Variants in AMDHD2 observed in about 807,000 individuals in gnomAD.
AMDHD2 encodes the protein amidohydrolase domain containing 2, also known as N-acetylglucosamine-6-phosphate deacetylase.
Under a neutral mutation model 41.8 loss-of-function variants are expected in AMDHD2, and 24 were observed. The observed-to-expected ratio is 0.57, with a 90% CI of 0.42 to 0.81. The LOEUF (loss-of-function observed/expected upper bound fraction) is 0.81. AMDHD2 is among the 30% of genes least tolerant of loss of function. The pLI, the probability that AMDHD2 is intolerant of heterozygous loss-of-function variation, is 0.00. For synonymous variants in AMDHD2, 332 were observed against 255.5 expected, an observed-to-expected ratio of 1.30 and a Z score of -2.85; for missense variants, 540 against 588.5, an observed-to-expected ratio of 0.92 and a Z score of 0.85.
intron 10 of AMDHD2, 72 bp downstream of exon 10, chr16:2,529,167 G>A (rs1308417724): frequency 2.8e-6 from 4 of 1,410,050 alleles, no homozygotes; most frequent in African/African-American, 1.4e-5. Context: ...GGGGCGGCCT[G>A]GACAGGGCCA....
chr16:2,527,155 T>C lies in AMDHD2; in HGVS notation c.361-406T>C, dbSNP rs915830454. ...CGTTCCCTGACACACTCGGTCTTCC[T>C]GATGGCGTCCAGCTCCGGCCATGGT... On this transcript the variant is annotated intron_variant, in intron 3 of 10. Coordinates refer to ENST00000293971, the MANE Select transcript of AMDHD2 (RefSeq NM_001330449.2). This position sits in a 1 kb window ranked among gnomAD's most constrained non-coding sequence, Gnocchi z 6.1. 8.3e-6 allele frequency: 2 copies of C among 241,106 alleles called. No homozygotes were observed. Among genetic ancestry groups the C allele is most frequent in the Non-Finnish European group, 1.6e-5 (2 of 125,014 alleles). 14.9% of individuals were successfully genotyped at this position (241,106 alleles called of 1,614,324 possible). A position where few individuals can be genotyped will look rare whatever the true frequency, so the allele number is the denominator to read the frequency against.
In AMDHD2 at chr16:2,528,629, C is replaced by T. The variant is rs374615403; in HGVS notation, c.971-21C>T. ...CAGGTGGCCCACGACCCCCCCAGAGCCTGCCCTCTCTGCTCTCAAGGCACC... is the reference window on the plus strand; with the variant it reads ...CAGGTGGCCCACGACCCCCCCAGAGTCTGCCCTCTCTGCTCTCAAGGCACC... On this transcript the variant is annotated intron_variant, in intron 8 of 10. Transcript: ENST00000293971. 5.6e-6 allele frequency: 9 copies of T among 1,612,918 alleles called. No homozygotes were observed. In the Admixed American group the frequency reaches 1.0e-4, roughly 18 times the overall value.
In AMDHD2 at chr16:2,520,460, TGCGCGGCGAGCAGG is replaced by T. The variant is rs2065916544; in HGVS notation, c.11_24del (p.Glu4_?8). ...CGCTCGCTCCCGACACGGCTCACGA[TGCGCGGCGAGCAGG>T]GCGCGGCGGGGGCCCGCGTGCTCCA... On this transcript the variant is annotated frameshift_variant and start_lost, in exon 1 of 11. Coordinates refer to ENST00000293971, the MANE Select transcript of AMDHD2 (RefSeq NM_001330449.2). LOFTEE classifies it high-confidence loss of function. 8.1e-6 allele frequency: 10 copies of T among 1,230,870 alleles called. No individual in the cohort carries two copies. The highest frequency in any genetic ancestry group is 4.2e-5 in the Admixed American group (1 of 23,676). 76.2% of individuals were successfully genotyped at this position (1,230,870 alleles called of 1,614,324 possible). A position where few individuals can be genotyped will look rare whatever the true frequency, so the allele number is the denominator to read the frequency against.
intron 3 of AMDHD2, among the ~76,000 whole-genome samples, chr16:2,525,262 T>G (rs372580454): frequency 2.6e-5 from 4 of 152,118 alleles, no homozygotes; most frequent in African/African-American, 9.6e-5. Context: ...TGCTCCATGT[T>G]GGCAAGGCTG....
rs1366227095 is a variant in AMDHD2, at chr16:2,531,351, T to G, written c.*1788T>G. 9 of 516,020 alleles carry G rather than the reference T, an allele frequency of 1.7e-5. No homozygotes were observed. The highest frequency in any genetic ancestry group is 3.2e-5 in the Non-Finnish European group (9 of 282,632). 32.0% of individuals were successfully genotyped at this position (516,020 alleles called of 1,614,324 possible). The stretch of plus-strand genomic sequence containing the variant: ...TGATTTTGAGGTGTGGGGGAAGCAC[T>G]CTTGGTTGGTTTTGGTTTGCTTTTT... On this transcript the variant is annotated 3_prime_UTR_variant, in exon 11 of 11. Transcript: ENST00000293971.
intron 8 of AMDHD2, 35 bp downstream of exon 8, chr16:2,528,594 GC>G: frequency 6.2e-7 from 1 of 1,612,788 alleles, no homozygotes; most frequent in Non-Finnish European, 8.5e-7. Context: ...CCAGGTCCCA[GC>G]CCGCATGCCA....
intron 9 of AMDHD2, 78 bp downstream of exon 9, chr16:2,528,796 C>T: frequency 1.3e-6 from 2 of 1,586,702 alleles, no homozygotes; most frequent in Non-Finnish European, 1.7e-6. Flanking sequence ...GGTGCCCGGA[C>T]TGTAGCCCAA....
rs750978263 is a variant in AMDHD2 at position 2,530,241 on chromosome 16, C to A, written c.*678C>A. 2.8e-5 allele frequency: 44 copies of A among 1,597,410 alleles called. No individual in the cohort carries two copies. The highest frequency in any genetic ancestry group is 3.4e-5 in the Admixed American group (2 of 58,512). Reference sequence around the variant, plus strand: ...TTTTCTCTTCTCAATAACCCTATCTCTTCACACATCCCCAGGCCCAGTGCT... The same window carrying A: ...TTTTCTCTTCTCAATAACCCTATCTATTCACACATCCCCAGGCCCAGTGCT... On this transcript the variant is annotated 3_prime_UTR_variant, in exon 11 of 11. Coordinates refer to ENST00000293971, the MANE Select transcript of AMDHD2 (RefSeq NM_001330449.2).
At chr16:2,529,454 C>A in intron 10 of AMDHD2, 21 bp from the exon 11 acceptor site, 1 of 1,608,048 alleles carries the variant, frequency 6.2e-7, no homozygotes, top group East Asian at 2.2e-5. Flanking sequence ...GCCCCCTACT[C>A]ATTGCCCGGC....
In AMDHD2 at chr16:2,527,496, G is replaced by A. The variant is rs941937384; in HGVS notation, c.361-65G>A. 5.1e-6 allele frequency: 8 copies of A among 1,555,108 alleles called. No individual in the cohort carries two copies. The highest frequency in any genetic ancestry group is 7.0e-6 in the Non-Finnish European group (8 of 1,140,562). On this transcript the variant is annotated intron_variant, in intron 3 of 10. Transcript: ENST00000293971. The surrounding 1 kb of genome is among the most constrained non-coding windows in gnomAD (Gnocchi z 6.1). ...ACTCTGACCTGAGATCTCTGGCCTT[G>A]GCTAGGCTGTGGCCTCTGGGAATGG...
In AMDHD2 at chr16:2,520,448, C is replaced by A. The variant is rs932587384; in HGVS notation, c.-11C>A. ...GGGCTCCGGAGCCGCTCGCTCCCGA[C>A]ACGGCTCACGATGCGCGGCGAGCAG... On this transcript the variant is annotated 5_prime_UTR_variant, in exon 1 of 11. Transcript: ENST00000293971. The A allele has an allele frequency of 1.6e-6, 2 of 1,232,590 alleles. No individual in the cohort carries two copies. The highest frequency in any genetic ancestry group is 3.1e-5 in the African/African-American group (2 of 63,860). The allele number at this position is 1,232,590 out of a possible 1,614,324, so 76.4% of individuals were successfully genotyped here.
chr16:2,528,806 A>G (rs1437721327), intron 9 of AMDHD2, 88 bp downstream of exon 9: 4 of 1,580,364 alleles, frequency 2.5e-6, no homozygotes, highest in East Asian at 4.5e-5. Context: ...CTGTAGCCCA[A>G]GCTCTGCCCA....
chr16:2,522,670 C>G lies in AMDHD2; in HGVS notation c.360+1547C>G, dbSNP rs1369238401. On this transcript the variant is annotated intron_variant, in intron 3 of 10. Transcript: ENST00000293971. ...CCAGCCTGGGCAACAGATCGAGACTCCATCTCAAAAAAAAAAAGTTTTTTG... is the reference window on the plus strand; with the variant it reads ...CCAGCCTGGGCAACAGATCGAGACTGCATCTCAAAAAAAAAAAGTTTTTTG... Among the ~76,000 whole-genome samples the G allele has an allele frequency of 2.0e-5, 3 of 151,298 alleles. No individual in the cohort carries two copies. In the East Asian group the frequency reaches 5.9e-4, roughly 30 times the overall value.
chr16:2,528,358 C>T lies in AMDHD2; in HGVS notation c.840C>T (p.Ile280=), dbSNP rs145235304. 279 of 1,612,756 alleles carry T rather than the reference C, an allele frequency of 1.7e-4. 1 individual carries two copies. Among genetic ancestry groups the T allele is most frequent in the Middle Eastern group, 3.3e-4 (2 of 6,076 alleles). Residue 280 remains isoleucine (I), a synonymous_variant, in exon 7 of 11, where the codon ATC becomes ATT. Coordinates refer to ENST00000293971, the MANE Select transcript of AMDHD2 (RefSeq NM_001330449.2). ...GTHTNPAALR[I]AHRAHPQGLV... Reference sequence around the variant, plus strand: ...ACACCAACCCCGCCGCCCTGCGGATCGCCCACCGTGCCCATCCCCAGGGTA... The same window carrying T: ...ACACCAACCCCGCCGCCCTGCGGATTGCCCACCGTGCCCATCCCCAGGGTA...
chr16:2,520,404 G>A lies in AMDHD2; in HGVS notation c.-55G>A, dbSNP rs2065915176. ...TCTCGGCTGGGGTTCGTCACTGGGC[G>A]CGGGATTTGGCCGCCGCGGGGCTCC... On this transcript the variant is annotated 5_prime_UTR_variant, in exon 1 of 11. Coordinates refer to ENST00000293971, the MANE Select transcript of AMDHD2 (RefSeq NM_001330449.2). 2.5e-6 allele frequency: 3 copies of A among 1,211,680 alleles called. No individual in the cohort carries two copies. The highest frequency in any genetic ancestry group is 3.1e-6 in the Non-Finnish European group (3 of 970,912). The allele number at this position is 1,211,680 out of a possible 1,614,324, so 75.1% of individuals were successfully genotyped here. A position where few individuals can be genotyped will look rare whatever the true frequency, so the allele number is the denominator to read the frequency against.
Position 2,527,580 on chromosome 16 carries a change from T to G in AMDHD2, c.380T>G (p.Val127Gly). 6.2e-7 allele frequency: 1 copy of G among 1,613,138 alleles called. No homozygotes were observed. Among genetic ancestry groups the G allele is most frequent in the Non-Finnish European group, 8.5e-7 (1 of 1,179,684 alleles). ...VYHKVVPQIPVKSGGPHGAGV... is the reference protein window; with the variant it reads ...VYHKVVPQIPGKSGGPHGAGV... Reference sequence around the variant, plus strand: ...CCCCAGGTTGTTCCTCAGATCCCTGTGAAGAGTGGTGGTCCCCATGGGGCA... The same window carrying G: ...CCCCAGGTTGTTCCTCAGATCCCTGGGAAGAGTGGTGGTCCCCATGGGGCA... Residue 127 changes from valine (V) to glycine (G), a missense_variant, in exon 4 of 11, where the codon GTG becomes GGG. Val to Gly is a moderately radical substitution (Grantham distance 109). Transcript: ENST00000293971. The surrounding 1 kb of genome is among the most constrained non-coding windows in gnomAD (Gnocchi z 6.1).
chr16:2,528,331 G>C lies in AMDHD2; in HGVS notation c.813G>C (p.Thr271=), dbSNP rs768251878. 3 of 1,612,788 alleles carry C rather than the reference G, an allele frequency of 1.9e-6. No individual in the cohort carries two copies. The highest frequency in any genetic ancestry group is 2.5e-6 in the Non-Finnish European group (3 of 1,179,926). ...CIFYGMIADG[T]HTNPAALRIA... ...TCTATGGGATGATTGCAGATGGCAC[G>C]CACACCAACCCCGCCGCCCTGCGGA... Residue 271 remains threonine, a synonymous_variant, in exon 7 of 11, where the codon ACG becomes ACC. Coordinates refer to ENST00000293971, the MANE Select transcript of AMDHD2 (RefSeq NM_001330449.2).
At position 2,529,859 on chromosome 16, in the gene AMDHD2, G is replaced by C; in HGVS notation, c.*296G>C. Reference sequence around the variant, plus strand: ...AGTTTAGCCTGGGCCTTGGGCCCCAGTGGGGGACAGGGCCTGTCTGCATGA... The same window carrying C: ...AGTTTAGCCTGGGCCTTGGGCCCCACTGGGGGACAGGGCCTGTCTGCATGA... On this transcript the variant is annotated 3_prime_UTR_variant, in exon 11 of 11. Coordinates refer to ENST00000293971, the MANE Select transcript of AMDHD2 (RefSeq NM_001330449.2). 1 of 1,336,180 alleles carries C rather than the reference G, an allele frequency of 7.5e-7. No individual in the cohort carries two copies. The highest frequency in any genetic ancestry group is 9.9e-7 in the Non-Finnish European group (1 of 1,014,706). The allele number at this position is 1,336,180 out of a possible 1,614,324, so 82.8% of individuals were successfully genotyped here.
At chr16:2,521,553 C>T (rs1294436324) in intron 3 of AMDHD2, among the ~76,000 whole-genome samples, 2 of 152,148 alleles carry the variant, frequency 1.3e-5, no homozygotes, top group Non-Finnish European at 2.9e-5. Flanking sequence ...GAAGAGACTC[C>T]CCCTGCTCCT....
Sources: allele counts gnomAD v4.1 joint callset (sites outside exome capture counted in the v4.1 genomes callset), GRCh38; gene constraint gnomAD v4.1.1; non-coding constraint Gnocchi (gnomAD v3.1); transcripts MANE v1.5; gene names NCBI Gene and HGNC (gene_info 2026-07-23, HGNC 2026-07-21).